STAT1: variants seen among roughly 807,000 people sequenced by gnomAD.
STAT1 encodes signal transducer and activator of transcription 1, also known as signal transducer and activator of transcription 1-alpha/beta.
STAT1 carries 24 observed loss-of-function variants against 111.7 expected under a neutral mutation model. The observed-to-expected ratio is 0.21, with a 90% confidence interval of 0.16 to 0.30. STAT1 has a LOEUF of 0.30. Ranked by LOEUF, STAT1 falls within the 10% of genes least tolerant of loss-of-function variation. The pLI is 1.00. For synonymous variants in STAT1, 332 were observed against 326.5 expected, an observed-to-expected ratio of 1.02 and a Z score of -0.18; for missense variants, 351 against 911.9, an observed-to-expected ratio of 0.38 and a Z score of 7.92.
chr2:191,008,310 C>T (rs1297003359), intron 4 of STAT1, among the ~76,000 whole-genome samples: 1 of 152,184 alleles, frequency 6.6e-6, no homozygotes, highest in Non-Finnish European at 1.5e-5. Flanking sequence ...AAAATGATAG[C>T]TTTCACCTCC....
At position 190,978,176 on chromosome 2, in the gene STAT1, T is replaced by C. The variant is rs901790899; in HGVS notation, c.1873+680A>G. ...TAAAAATTACTAAAACAAATCAGTT[T>C]TTCCTCCTGCCCTTCAAACAGACCA... On this transcript the variant is annotated intron_variant, in intron 21 of 24. Coordinates refer to ENST00000361099, the MANE Select transcript of STAT1 (RefSeq NM_007315.4). This position sits in a 1 kb window ranked among gnomAD's most constrained non-coding sequence, Gnocchi z 6.1. 3.3e-5 allele frequency among the ~76,000 whole-genome samples: 5 copies of C among 152,178 alleles called. No homozygotes were observed. Among genetic ancestry groups the C allele is most frequent in the African/African-American group, 1.2e-4 (5 of 41,442 alleles).
chr2:190,999,459 C>T lies in STAT1; in HGVS notation c.541+167G>A, dbSNP rs1364998571. Among the ~76,000 whole-genome samples, 2 of 151,776 alleles carry T rather than the reference C, an allele frequency of 1.3e-5. No homozygotes were observed. The highest frequency in any genetic ancestry group is 4.2e-4 in the South Asian group (2 of 4,810). Reference sequence around the variant, plus strand: ...GGACAGCCCCAACAACAAATTAGCCCGAAATGTCAATAATATTGGATGTTG... The same window carrying T: ...GGACAGCCCCAACAACAAATTAGCCTGAAATGTCAATAATATTGGATGTTG... On this transcript the variant is annotated intron_variant, in intron 7 of 24. Transcript: ENST00000361099. The surrounding 1 kb of genome is among the most constrained non-coding windows in gnomAD (Gnocchi z 4.1).
chr2:190,970,833 G>A lies in STAT1; in HGVS notation c.2239-116C>T. On this transcript the variant is annotated intron_variant, in intron 24 of 24. Coordinates refer to ENST00000361099, the MANE Select transcript of STAT1 (RefSeq NM_007315.4). The surrounding 1 kb of genome is among the most constrained non-coding windows in gnomAD (Gnocchi z 5.4). ...GAAGTAGTAGGAAGATACTTGCAATGGCAAATAAATACCGTGGAATAAGAG... is the reference window on the plus strand; with the variant it reads ...GAAGTAGTAGGAAGATACTTGCAATAGCAAATAAATACCGTGGAATAAGAG... 2 of 999,704 alleles carry A rather than the reference G, an allele frequency of 2.0e-6. No homozygotes were observed. Among genetic ancestry groups the A allele is most frequent in the Admixed American group, 1.8e-5 (1 of 56,066 alleles). The allele number at this position is 999,704 out of a possible 1,614,324, so 61.9% of individuals were successfully genotyped here.
At position 191,009,923 on chromosome 2, in the gene STAT1, G is replaced by A. The variant is rs762809964; in HGVS notation, c.81C>T (p.Pro27=). The change falls in exon 3 of 25, where the codon CCC becomes CCT. Residue 27 remains proline (P), a synonymous_variant. Coordinates refer to ENST00000361099, the MANE Select transcript of STAT1 (RefSeq NM_007315.4). ...QVHQLYDDSF[P]MEIRQYLAQW... is the part of the protein sequence containing the mutation. ...GTGCCAGGTACTGTCTGATTTCCAT[G>A]GGAAAACTGTCATCATAAAGCTGGT... 4.3e-6 allele frequency: 7 copies of A among 1,613,884 alleles called. No individual in the cohort carries two copies. Among genetic ancestry groups the A allele is most frequent in the Non-Finnish European group, 5.9e-6 (7 of 1,179,902 alleles).
At chr2:190,991,530 C>T (rs1388278023) in intron 10 of STAT1, among the ~76,000 whole-genome samples, 1 of 152,110 alleles carries the variant, frequency 6.6e-6, no homozygotes, top group Non-Finnish European at 1.5e-5. Flanking sequence ...AACAGAATAA[C>T]TGTAATGATC....
chr2:190,975,586 G>A lies in STAT1; in HGVS notation c.2135+226C>T. 1 of 1,412,216 alleles carries A rather than the reference G, an allele frequency of 7.1e-7. No individual in the cohort carries two copies. The highest frequency in any genetic ancestry group is 9.2e-7 in the Non-Finnish European group (1 of 1,082,166). 87.5% of individuals were successfully genotyped at this position (1,412,216 alleles called of 1,614,324 possible). On this transcript the variant is annotated intron_variant, in intron 23 of 24. Transcript: ENST00000361099. This position sits in a 1 kb window ranked among gnomAD's most constrained non-coding sequence, Gnocchi z 5.9. ...TACTTTTTCAAAGGGTATCAGTTTT[G>A]GGAAAATTTATATACCTTAAATACA...
Position 190,997,905 on chromosome 2 carries a change from C to A in STAT1, c.736G>T (p.Ala246Ser). Residue 246 changes from alanine (A) to serine (S), a missense_variant, in exon 9 of 25, where the codon GCC becomes TCC. Ala to Ser is a moderately conservative substitution (Grantham distance 99). Coordinates refer to ENST00000361099, the MANE Select transcript of STAT1 (RefSeq NM_007315.4). This position sits in a 1 kb window ranked among gnomAD's most constrained non-coding sequence, Gnocchi z 7.3. ...GCATTGGGCGGCCCCCCAATACAGG[C>A]GCTCTGCTGTCTCCGCTTCCACTCC... ...LVEWKRRQQS[A>S]CIGGPPNACL... 1.2e-6 allele frequency: 2 copies of A among 1,614,224 alleles called. No homozygotes were observed. Among genetic ancestry groups the A allele is most frequent in the Non-Finnish European group, 8.5e-7 (1 of 1,180,048 alleles).
chr2:190,979,418 C>A lies in STAT1; in HGVS notation c.1727+354G>T, dbSNP rs1267165920. On this transcript the variant is annotated intron_variant, in intron 20 of 24. Transcript: ENST00000361099. This position sits in a 1 kb window ranked among gnomAD's most constrained non-coding sequence, Gnocchi z 5.8. ...CTGTTGAAATATCAGCCGATCCTGG[C>A]AATAAGTCAAGATAGAAATGATTTA... Among the ~76,000 whole-genome samples, 1 of 152,136 alleles carries A rather than the reference C, an allele frequency of 6.6e-6. No homozygotes were observed. The highest frequency in any genetic ancestry group is 1.5e-5 in the Non-Finnish European group (1 of 68,034).
chr2:190,997,780 C>T lies in STAT1; in HGVS notation c.785+76G>A. On this transcript the variant is annotated intron_variant, in intron 9 of 24. Transcript: ENST00000361099. This position sits in a 1 kb window ranked among gnomAD's most constrained non-coding sequence, Gnocchi z 7.3. ...GTTTTGACAGGGTCCATTCAACTAA[C>T]ACAGCTCAAAGGTACATTTATGTGT... The T allele has an allele frequency of 1.2e-6, 2 of 1,604,554 alleles. No homozygotes were observed. Among genetic ancestry groups the T allele is most frequent in the South Asian group, 2.2e-5 (2 of 90,830 alleles).
At position 191,011,422 on chromosome 2, in the gene STAT1, T is replaced by C. The variant is rs45514005; in HGVS notation, c.-1-1418A>G. Among the ~76,000 whole-genome samples the C allele has an allele frequency of 7.8e-3, 1,191 of 152,226 alleles. 18 individuals are homozygous for C. The highest frequency in any genetic ancestry group is 0.027 in the African/African-American group (1,124 of 41,528). ...TACTCCCCTATCAACAAGGTGTGTGTGTGTGTGTTTAGTAGACAGGAACTT... is the reference window on the plus strand; with the variant it reads ...TACTCCCCTATCAACAAGGTGTGTGCGTGTGTGTTTAGTAGACAGGAACTT... On this transcript the variant is annotated intron_variant, in intron 2 of 24. Coordinates refer to ENST00000361099, the MANE Select transcript of STAT1 (RefSeq NM_007315.4).
At chr2:191,001,649 T>C (rs1458976754) in intron 5 of STAT1, among the ~76,000 whole-genome samples, 2 of 152,222 alleles carry the variant, frequency 1.3e-5, no homozygotes, top group African/African-American at 2.4e-5. Context: ...TCCAGAGGTA[T>C]ACTGAAATAT....
rs1693988210 is a variant in STAT1 at position 190,998,108 on chromosome 2, T to G, written c.634-101A>C. The G allele has an allele frequency of 1.3e-6, 2 of 1,564,654 alleles. No homozygotes were observed. Among genetic ancestry groups the G allele is most frequent in the South Asian group, 1.1e-5 (1 of 88,882 alleles). Reference sequence around the variant, plus strand: ...AAGCAAATATCATTTCATTCTCAACTGGGGCTCTAAGCCAGGTGGCTATAA... The same window carrying G: ...AAGCAAATATCATTTCATTCTCAACGGGGGCTCTAAGCCAGGTGGCTATAA... On this transcript the variant is annotated intron_variant, in intron 8 of 24. Transcript: ENST00000361099. This position sits in a 1 kb window ranked among gnomAD's most constrained non-coding sequence, Gnocchi z 4.1.
chr2:190,975,841 G>C lies in STAT1; in HGVS notation c.2106C>G (p.Ile702Met). Reference sequence around the variant, plus strand: ...CAGACACAGAAATCAACTCAGTCTTGATATATCCAGTTCCTTTAGGGCCAT... The same window carrying C: ...CAGACACAGAAATCAACTCAGTCTTCATATATCCAGTTCCTTTAGGGCCAT... ...ELDGPKGTGY[I>M]KTELISVSEV... Residue 702 changes from isoleucine (I) to methionine (M), a missense_variant, in exon 23 of 25, where the codon ATC (isoleucine) becomes ATG (methionine). Physicochemically the swap from Ile to Met is conservative, Grantham distance 10 (BLOSUM62 1). This residue lies in a region of STAT1 where 181 missense variants were observed against 426.1 expected (regional missense o/e 0.42). Coordinates refer to ENST00000361099, the MANE Select transcript of STAT1 (RefSeq NM_007315.4). The surrounding 1 kb of genome is among the most constrained non-coding windows in gnomAD (Gnocchi z 5.9). 1 of 1,614,096 alleles carries C rather than the reference G, an allele frequency of 6.2e-7. No homozygotes were observed. Among genetic ancestry groups the C allele is most frequent in the Non-Finnish European group, 8.5e-7 (1 of 1,180,000 alleles).
In STAT1 at chr2:190,978,406, A is replaced by T. The variant is rs1692075134; in HGVS notation, c.1873+450T>A. 4.6e-6 allele frequency: 1 copy of T among 217,148 alleles called. No individual in the cohort carries two copies. The highest frequency in any genetic ancestry group is 9.5e-6 in the Non-Finnish European group (1 of 104,778). 13.5% of individuals were successfully genotyped at this position (217,148 alleles called of 1,614,324 possible). On this transcript the variant is annotated intron_variant, in intron 21 of 24. Coordinates refer to ENST00000361099, the MANE Select transcript of STAT1 (RefSeq NM_007315.4). The surrounding 1 kb of genome is among the most constrained non-coding windows in gnomAD (Gnocchi z 6.1). ...GTTTGAAGGCAGGGTAGAGGCTGCC[A>T]CTCGTCCCAACAGGTCCTGCATCAA...
Position 190,970,542 on chromosome 2 carries a change from G to A in STAT1, c.*161C>T. 1.3e-6 allele frequency: 1 copy of A among 762,058 alleles called. No individual in the cohort carries two copies. Among genetic ancestry groups the A allele is most frequent in the East Asian group, 2.7e-5 (1 of 37,416 alleles). 47.2% of individuals were successfully genotyped at this position (762,058 alleles called of 1,614,324 possible). A position where few individuals can be genotyped will look rare whatever the true frequency, so the allele number is the denominator to read the frequency against. On this transcript the variant is annotated 3_prime_UTR_variant, in exon 25 of 25. Coordinates refer to ENST00000361099, the MANE Select transcript of STAT1 (RefSeq NM_007315.4). The surrounding 1 kb of genome is among the most constrained non-coding windows in gnomAD (Gnocchi z 5.4). ...GCCCTTCAGAGTAACTGATGTTTCT[G>A]AGTTAGAGAAAAATTCACTTGCTAT...
Position 191,009,414 on chromosome 2 carries a change from C to T in STAT1, c.129-307G>A, listed in dbSNP as rs540459674. Reference sequence around the variant, plus strand: ...CTTTCTATGTCAAATACTTTCAGGACGTTTTTAAATTAGCAAATAATAAAT... The same window carrying T: ...CTTTCTATGTCAAATACTTTCAGGATGTTTTTAAATTAGCAAATAATAAAT... On this transcript the variant is annotated intron_variant, in intron 3 of 24. Transcript: ENST00000361099. 1.2e-4 allele frequency among the ~76,000 whole-genome samples: 17 copies of T among 136,348 alleles called. No individual in the cohort carries two copies. In the East Asian group the frequency reaches 2.0e-3, roughly 16 times the overall value. The allele number at this position is 136,348 out of a possible 152,430, so 89.4% of individuals were successfully genotyped here.
rs1694517234 is a variant in STAT1, at chr2:191,004,353, A to G, written c.373-3190T>C. 6.6e-6 allele frequency among the ~76,000 whole-genome samples: 1 copy of G among 152,202 alleles called. No individual in the cohort carries two copies. Among genetic ancestry groups the G allele is most frequent in the South Asian group, 2.1e-4 (1 of 4,834 alleles). ...TCTCGTTTCACTACTGTACCTCTAGAGACCTTGTTTGGATGGGAACTTGGT... is the reference window on the plus strand; with the variant it reads ...TCTCGTTTCACTACTGTACCTCTAGGGACCTTGTTTGGATGGGAACTTGGT... On this transcript the variant is annotated intron_variant, in intron 5 of 24. Coordinates refer to ENST00000361099, the MANE Select transcript of STAT1 (RefSeq NM_007315.4). This position sits in a 1 kb window ranked among gnomAD's most constrained non-coding sequence, Gnocchi z 5.0.
chr2:190,970,819 A>G lies in STAT1; in HGVS notation c.2239-102T>C. 4.4e-6 allele frequency: 5 copies of G among 1,147,670 alleles called. No individual in the cohort carries two copies. The highest frequency in any genetic ancestry group is 6.5e-6 in the Non-Finnish European group (5 of 765,508). The allele number at this position is 1,147,670 out of a possible 1,614,324, so 71.1% of individuals were successfully genotyped here. On this transcript the variant is annotated intron_variant, in intron 24 of 24. Transcript: ENST00000361099. The surrounding 1 kb of genome is among the most constrained non-coding windows in gnomAD (Gnocchi z 5.4). ...GTCTATTCTAGAATGAAGTAGTAGG[A>G]AGATACTTGCAATGGCAAATAAATA...
Position 190,987,864 on chromosome 2 carries a change from C to T in STAT1, c.1098-796G>A, listed in dbSNP as rs550169907. 2.6e-5 allele frequency among the ~76,000 whole-genome samples: 4 copies of T among 152,004 alleles called. No homozygotes were observed. Among genetic ancestry groups the T allele is most frequent in the South Asian group, 2.1e-4 (1 of 4,800 alleles). The stretch of plus-strand genomic sequence containing the variant: ...TAGCTATGGAAGGGACCTATTTTCC[C>T]GTTTGGAAAAAAAAAGAATTTAAAA... On this transcript the variant is annotated intron_variant, in intron 12 of 24. Coordinates refer to ENST00000361099, the MANE Select transcript of STAT1 (RefSeq NM_007315.4). This position sits in a 1 kb window ranked among gnomAD's most constrained non-coding sequence, Gnocchi z 4.0.
Sources: gnomAD v4.1 joint callset for allele counts (sites outside exome capture counted in the v4.1 genomes callset) on GRCh38, gnomAD v4.1.1 for gene constraint, gnomAD v4.1.1 regional missense constraint, Gnocchi (gnomAD v3.1) non-coding constraint, MANE v1.5 for transcripts, NCBI Gene and HGNC (gene_info 2026-07-23, HGNC 2026-07-21) for gene names.